RALYL: variants seen among roughly 807,000 people sequenced by gnomAD.
RALYL encodes RALY RNA binding protein like.
Under a neutral mutation model 35.1 loss-of-function variants are expected in RALYL, and 29 were observed. The observed-to-expected ratio is 0.83, with a 90% CI of 0.61 to 1.13. The LOEUF (loss-of-function observed/expected upper bound fraction) is 1.13. RALYL is among the 50% of genes most tolerant of loss of function. The probability of loss-of-function intolerance (pLI) is 0.00; values close to 1 mark genes in which losing one functional copy is unlikely to be tolerated. For missense variants in RALYL, 359 were observed against 360.4 expected (o/e 1.00, Z 0.03); for synonymous variants, 120 against 127.6 (o/e 0.94, Z 0.40).
intron 2 of RALYL, among the ~76,000 whole-genome samples, chr8:84,692,099 A>G (rs1838177808): frequency 6.6e-6 from 1 of 152,038 alleles, no homozygotes; most frequent in Non-Finnish European, 1.5e-5. Flanking sequence ...AGTTTCTGAA[A>G]ATAGAAAAAC....
chr8:84,759,821 T>A (rs892297020), intron 2 of RALYL, among the ~76,000 whole-genome samples: 1 of 152,230 alleles, frequency 6.6e-6, no homozygotes, highest in Non-Finnish European at 1.5e-5. Context: ...TGACTGCTAT[T>A]GATACTGTTA....
chr8:84,793,580 T>A (rs535071486), intron 3 of RALYL, among the ~76,000 whole-genome samples: 2 of 152,100 alleles, frequency 1.3e-5, no homozygotes, highest in Admixed American at 6.6e-5. Flanking sequence ...CAGTATAAGA[T>A]AGATACAGCT....
chr8:84,533,445 A>G (rs2059398414), intron 2 of RALYL, among the ~76,000 whole-genome samples: 1 of 152,206 alleles, frequency 6.6e-6, no homozygotes, highest in African/African-American at 2.4e-5. Context: ...TATTGATTAC[A>G]TTGGCTTGAT....
intron 1 of RALYL, among the ~76,000 whole-genome samples, chr8:84,270,028 A>C (rs975735309): frequency 2.0e-5 from 3 of 152,066 alleles, no homozygotes; most frequent in Non-Finnish European, 4.4e-5. Context: ...CTTATTGTTC[A>C]TAATAACACT....
intron 1 of RALYL, among the ~76,000 whole-genome samples, chr8:84,488,283 G>C (rs2133991676): frequency 6.6e-6 from 1 of 152,154 alleles, no homozygotes; most frequent in South Asian, 2.1e-4. Context: ...TTAATTGCAT[G>C]AGTTATCCCC....
At chr8:84,644,497 G>T (rs1827063919) in intron 2 of RALYL, among the ~76,000 whole-genome samples, 1 of 151,968 alleles carries the variant, frequency 6.6e-6, no homozygotes, top group Non-Finnish European at 1.5e-5. Flanking sequence ...TTATATGTTA[G>T]AACTTGATAC....
At chr8:84,392,480 T>G (rs1015195349) in intron 1 of RALYL, among the ~76,000 whole-genome samples, 2 of 151,910 alleles carry the variant, frequency 1.3e-5, no homozygotes, top group Non-Finnish European at 2.9e-5. Flanking sequence ...TGTGGACTGA[T>G]AGATACCTTA....
intron 3 of RALYL, among the ~76,000 whole-genome samples, chr8:84,793,124 A>T (rs1296093797): frequency 6.6e-6 from 1 of 152,202 alleles, no homozygotes; most frequent in African/African-American, 2.4e-5. Flanking sequence ...AGTTCAGGGG[A>T]GAGATCTGGA....
intron 2 of RALYL, among the ~76,000 whole-genome samples, chr8:84,669,057 C>T (rs1310557385): frequency 1.3e-5 from 2 of 152,058 alleles, no homozygotes; most frequent in Non-Finnish European, 2.9e-5. Flanking sequence ...GTTCATGTGT[C>T]TTGCAAGAAA....
chr8:84,259,009 G>A (rs1290075562), intron 1 of RALYL, among the ~76,000 whole-genome samples: 2 of 152,160 alleles, frequency 1.3e-5, no homozygotes, highest in South Asian at 2.1e-4. Flanking sequence ...TGCAAGGGAT[G>A]TGAGAACTCA....
intron 1 of RALYL, among the ~76,000 whole-genome samples, chr8:84,209,125 C>CAAAAAAAAAAAAAAAAAAAAAAAAAAAAA (rs60246316): frequency 1.0e-5 from 1 of 97,538 alleles, no homozygotes; most frequent in Non-Finnish European, 2.0e-5. Flanking sequence ...ACTCCTCCAC[C>CAAAAAAAAAAAAAAAAAAAAAAAAAAAAA]AAAAAAAAAA....
At chr8:84,419,995 G>A (rs1488769644) in intron 1 of RALYL, among the ~76,000 whole-genome samples, 15 of 150,378 alleles carry the variant, frequency 1.0e-4, no homozygotes, top group East Asian at 3.9e-4. Context: ...GAATAATGCC[G>A]CAATAAACAT....
intron 1 of RALYL, among the ~76,000 whole-genome samples, chr8:84,475,354 G>A (rs1321782592): frequency 1.3e-5 from 2 of 151,890 alleles, no homozygotes; most frequent in Non-Finnish European, 2.9e-5. Flanking sequence ...TGTGTAACTG[G>A]GACTATAGGT....
intron 2 of RALYL, among the ~76,000 whole-genome samples, chr8:84,682,988 A>G (rs1020613700): frequency 1.3e-5 from 2 of 152,084 alleles, no homozygotes; most frequent in Non-Finnish European, 2.9e-5. Flanking sequence ...TAGTGCTATA[A>G]ATTTCCCTCT....
intron 2 of RALYL, among the ~76,000 whole-genome samples, chr8:84,584,643 T>C (rs1036375872): frequency 6.6e-6 from 1 of 152,146 alleles, no homozygotes; most frequent in African/African-American, 2.4e-5. Flanking sequence ...TATAACATTT[T>C]ATTTGTTCTT....
chr8:84,214,779 G>A (rs1820373229), intron 1 of RALYL, among the ~76,000 whole-genome samples: 1 of 152,062 alleles, frequency 6.6e-6, no homozygotes, highest in African/African-American at 2.4e-5. Context: ...TAGCATTTAA[G>A]ACCATTTATG....
intron 2 of RALYL, among the ~76,000 whole-genome samples, chr8:84,708,653 T>G (rs1841628446): frequency 6.6e-6 from 1 of 152,148 alleles, no homozygotes. Context: ...ATTTAAATAC[T>G]AAGTTTTTAT....
intron 1 of RALYL, among the ~76,000 whole-genome samples, chr8:84,349,333 T>A (rs1363424355): frequency 6.6e-6 from 1 of 150,472 alleles, no homozygotes; most frequent in Non-Finnish European, 1.5e-5. Flanking sequence ...GCAACTTGTA[T>A]TGTGAATTTT....
At chr8:84,297,067 A>T (rs973265162) in intron 1 of RALYL, among the ~76,000 whole-genome samples, 2 of 151,894 alleles carry the variant, frequency 1.3e-5, no homozygotes, top group South Asian at 2.1e-4. Context: ...AAAAAAAAAA[A>T]ATTTAGGGTC....
Sources: gnomAD v4.1 joint callset for allele counts (sites outside exome capture counted in the v4.1 genomes callset) on GRCh38, gnomAD v4.1.1 for gene constraint, MANE v1.5 for transcripts, NCBI Gene and HGNC (gene_info 2026-07-23, HGNC 2026-07-21) for gene names.